Variants in KAT14 observed in about 807,000 individuals in gnomAD.
KAT14 encodes cysteine-rich protein 2-binding protein.
Under a neutral mutation model 78.4 loss-of-function variants are expected in KAT14, and 66 were observed. That is an observed-to-expected ratio of 0.84 (90% CI 0.69 to 1.03). The LOEUF is 1.03. KAT14 is among the 50% of genes least tolerant of loss of function. The pLI is 0.00. For synonymous variants in KAT14, 344 were observed against 359.4 expected (o/e 0.96, Z 0.48); for missense variants, 870 against 972.5 (o/e 0.89, Z 1.40).
Position 18,169,887 on chromosome 20 carries a change from A to T in KAT14, c.1668+6942A>T, listed in dbSNP as rs534438766. On this transcript the variant is annotated intron_variant, in intron 7 of 10. Coordinates refer to ENST00000688188, the MANE Select transcript of KAT14 (RefSeq NM_001392073.1). ...TCCAGTGAGTGCACAACTGATAAAAAATCGAAGTAGCCTTATTGCTGATAT... is the reference window on the plus strand; with the variant it reads ...TCCAGTGAGTGCACAACTGATAAAATATCGAAGTAGCCTTATTGCTGATAT... 5.9e-5 allele frequency among the ~76,000 whole-genome samples: 9 copies of T among 152,352 alleles called. No homozygotes were observed. The South Asian group carries it at 1.0e-3, about 18-fold the overall frequency.
chr20:18,142,315 AAGAG>A lies in KAT14; in HGVS notation c.-342_-339del. On this transcript the variant is annotated 5_prime_UTR_variant, in exon 2 of 11. An upstream open reading frame in the 5' UTR loses its in-frame stop. Transcript: ENST00000688188. The stretch of plus-strand genomic sequence containing the variant: ...TTTTGACTGAGCAACTTGAAGCAGA[AAGAG>A]AGAAGATGTTATTGGCAAAAGGATC... The A allele has an allele frequency of 2.0e-6, 3 of 1,537,058 alleles. No individual in the cohort carries two copies. The highest frequency in any genetic ancestry group is 1.7e-4 in the Middle Eastern group (1 of 5,990).
chr20:18,170,739 G>A (rs1437009073), intron 7 of KAT14, among the ~76,000 whole-genome samples: 10 of 152,082 alleles, frequency 6.6e-5, no homozygotes, highest in African/African-American at 9.7e-5. Context: ...GGATTTCACC[G>A]TGTTAGCCAG....
chr20:18,145,963 T>C (rs1252184286), intron 3 of KAT14, among the ~76,000 whole-genome samples: 1 of 152,178 alleles, frequency 6.6e-6, no homozygotes, highest in African/African-American at 2.4e-5. Context: ...GATGGCTATG[T>C]TGAAAATAGA....
chr20:18,181,814 T>C lies in KAT14; in HGVS notation c.1773T>C (p.Pro591=). Residue 591 remains proline, a synonymous_variant, in exon 8 of 11, where the codon CCT becomes CCC. Coordinates refer to ENST00000688188, the MANE Select transcript of KAT14 (RefSeq NM_001392073.1). ...DMAVDQSIVS[P]YTSRILKPYI... ...CTGTGGACCAGAGTATTGTCAGCCC[T>C]TATACCTCTCGGATCTTGAAACCTT... 1 of 1,614,176 alleles carries C rather than the reference T, an allele frequency of 6.2e-7. No individual in the cohort carries two copies. Among genetic ancestry groups the C allele is most frequent in the Non-Finnish European group, 8.5e-7 (1 of 1,180,022 alleles).
At chr20:18,140,832 A>AG (rs1194599254) in intron 1 of KAT14, among the ~76,000 whole-genome samples, 1 of 149,494 alleles carries the variant, frequency 6.7e-6, no homozygotes, top group Admixed American at 6.7e-5. Flanking sequence ...AAAAAAAAAA[A>AG]AAAACCAATA....
At chr20:18,138,211 C>T (rs941763622) in intron 1 of KAT14, 160 bp downstream of exon 1, 2 of 1,269,028 alleles carry the variant, frequency 1.6e-6, no homozygotes, top group Admixed American at 4.3e-5. Context: ...GGCCGGCGGC[C>T]GCTCTGCTGG....
At chr20:18,142,173 G>C in intron 1 of KAT14, 35 bp from the exon 2 acceptor site, 1 of 1,529,096 alleles carries the variant, frequency 6.5e-7, no homozygotes, top group Non-Finnish European at 8.8e-7. Flanking sequence ...CCACCTGTTC[G>C]GGATGTTACT....
intron 5 of KAT14, among the ~76,000 whole-genome samples, chr20:18,159,555 A>G (rs1315901101): frequency 6.6e-6 from 1 of 152,254 alleles, no homozygotes; most frequent in Non-Finnish European, 1.5e-5. Context: ...AGGTGAAGAG[A>G]TATTTTAAAA....
At chr20:18,138,784 T>G (rs2037404413) in intron 1 of KAT14, among the ~76,000 whole-genome samples, 1 of 152,224 alleles carries the variant, frequency 6.6e-6, no homozygotes, top group South Asian at 2.1e-4. Context: ...ATATTTTCTT[T>G]CTTATTCAAG....
intron 4 of KAT14, among the ~76,000 whole-genome samples, chr20:18,152,653 T>C (rs918783613): frequency 1.5e-4 from 23 of 152,344 alleles, no homozygotes; most frequent in African/African-American, 4.8e-4. Context: ...GGAAAAATAA[T>C]GGCAGTTACT....
At chr20:18,169,121 T>C (rs1382318543) in intron 7 of KAT14, among the ~76,000 whole-genome samples, 1 of 152,178 alleles carries the variant, frequency 6.6e-6, no homozygotes, top group African/African-American at 2.4e-5. Context: ...ACCTTTATAT[T>C]GGTTACAGTG....
rs770518970 is a variant in KAT14, at chr20:18,138,042, G to A, written c.-463G>A. ...CCGGCGTACATGTGAAGCAGCAGTG[G>A]GACCAGCAGGTCGGTGTCACGTGAC... On this transcript the variant is annotated 5_prime_UTR_variant, in exon 1 of 11. It introduces an in-frame stop codon into an upstream open reading frame of the 5' UTR. Coordinates refer to ENST00000688188, the MANE Select transcript of KAT14 (RefSeq NM_001392073.1). The A allele has an allele frequency of 1.1e-5, 16 of 1,487,024 alleles. No homozygotes were observed. Among genetic ancestry groups the A allele is most frequent in the Non-Finnish European group, 1.4e-5 (16 of 1,125,472 alleles). The allele number at this position is 1,487,024 out of a possible 1,614,324, so 92.1% of individuals were successfully genotyped here.
intron 5 of KAT14, among the ~76,000 whole-genome samples, chr20:18,161,236 CTGAGCT>C (rs59104681): frequency 0.053 from 8,006 of 151,644 alleles, 253 homozygotes; most frequent in East Asian, 0.089. Flanking sequence ...CATACATTTA[CTGAGCT>C]TTATCAAACT....
At chr20:18,163,049 A>G in intron 7 of KAT14, 104 bp downstream of exon 7, 3 of 1,404,574 alleles carry the variant, frequency 2.1e-6, no homozygotes, top group Non-Finnish European at 9.5e-7. Flanking sequence ...TTAAATCCTG[A>G]GTAATTTGGG....
intron 4 of KAT14, 58 bp from the exon 5 acceptor site, chr20:18,159,026 G>A: frequency 1.3e-6 from 2 of 1,545,876 alleles, no homozygotes; most frequent in Non-Finnish European, 1.7e-6. Flanking sequence ...TACACAGACT[G>A]TCTTTTCTGT....
intron 4 of KAT14, among the ~76,000 whole-genome samples, chr20:18,158,031 G>A (rs961985561): frequency 6.6e-6 from 1 of 152,150 alleles, no homozygotes; most frequent in East Asian, 1.9e-4. Context: ...TCCGCCTCTC[G>A]GGTTCAAAGA....
intron 4 of KAT14, among the ~76,000 whole-genome samples, chr20:18,158,249 A>G (rs1040358248): frequency 2.0e-5 from 3 of 152,204 alleles, no homozygotes; most frequent in African/African-American, 4.8e-5. Context: ...GATAGTGCTT[A>G]TGCCTACTAT....
At chr20:18,140,655 C>CA (rs2037499493) in intron 1 of KAT14, among the ~76,000 whole-genome samples, 1 of 151,170 alleles carries the variant, frequency 6.6e-6, no homozygotes, top group East Asian at 1.9e-4. Context: ...ACTAAAAATA[C>CA]AAAAAAATTA....
intron 7 of KAT14, among the ~76,000 whole-genome samples, chr20:18,180,012 G>T (rs925763679): frequency 3.3e-5 from 5 of 152,016 alleles, no homozygotes; most frequent in African/African-American, 1.2e-4. Flanking sequence ...GGGATTACAG[G>T]TGTGTGCCAC....
Sources: gnomAD v4.1 joint callset for allele counts (sites outside exome capture counted in the v4.1 genomes callset) on GRCh38, gnomAD v4.1.1 for gene constraint, MANE v1.5 for transcripts, NCBI Gene and HGNC (gene_info 2026-07-23, HGNC 2026-07-21) for gene names.